Variants in CRLF3 observed in about 807,000 individuals in gnomAD.
CRLF3 encodes the protein cytokine receptor-like factor 3.
A neutral mutation model predicts 55.0 loss-of-function variants in CRLF3; 33 were observed. That is an observed-to-expected ratio of 0.60 (90% CI 0.46 to 0.80). The LOEUF (loss-of-function observed/expected upper bound fraction) is 0.80, where lower values mean the gene tolerates loss of function less well. CRLF3 is among the 30% of genes least tolerant of loss of function. CRLF3 has a pLI of 0.00. For missense variants in CRLF3, 494 were observed against 538.4 expected, an observed-to-expected ratio of 0.92 and a Z score of 0.82; for synonymous variants, 238 against 196.8, an observed-to-expected ratio of 1.21 and a Z score of -1.75.
intron 7 of CRLF3, 135 bp downstream of exon 7, chr17:30,785,784 A>AT: frequency 4.1e-6 from 2 of 492,786 alleles, no homozygotes; most frequent in Non-Finnish European, 7.1e-6. Flanking sequence ...TTCATAATAA[A>AT]AAAAAAAAAA....
intron 6 of CRLF3, among the ~76,000 whole-genome samples, chr17:30,788,197 A>G (rs1597913226): frequency 6.9e-6 from 1 of 144,782 alleles, no homozygotes; most frequent in Admixed American, 6.9e-5. Flanking sequence ...GCGTGGTAGC[A>G]GGCGCCTGTA....
Position 30,784,648 on chromosome 17 carries a change from AAG to A in CRLF3, c.1073-207_1073-206del, listed in dbSNP as rs1971593114. ...GAGTTTCCCATATCAGTGTCATCAA[AAG>A]AAACTTGACAGTGTTACAAAATTAC... is the stretch of plus-strand genomic sequence containing the variant. On this transcript the variant is annotated intron_variant, in intron 7 of 7. Transcript: ENST00000324238. The A allele has an allele frequency of 1.1e-5, 5 of 469,798 alleles. No individual in the cohort carries two copies. The East Asian group carries it at 1.6e-4, about 15-fold the overall frequency. The allele number at this position is 469,798 out of a possible 1,614,324, so 29.1% of individuals were successfully genotyped here.
At chr17:30,804,214 T>A in intron 1 of CRLF3, 106 bp from the exon 2 acceptor site, 1 of 729,938 alleles carries the variant, frequency 1.4e-6, no homozygotes, top group Non-Finnish European at 2.3e-6. Flanking sequence ...TCTTCTTCAA[T>A]TTAGTAAAAA....
At chr17:30,797,818 ATGCTGGAGCAC>A (rs896487931) in intron 2 of CRLF3, among the ~76,000 whole-genome samples, 8 of 144,642 alleles carry the variant, frequency 5.5e-5, no homozygotes, top group African/African-American at 2.1e-4. Flanking sequence ...TCTGTCACTC[ATGCTGGAGCAC>A]AGTGGTAGGA....
At chr17:30,797,190 C>A in intron 3 of CRLF3, 121 bp downstream of exon 3, 1 of 777,152 alleles carries the variant, frequency 1.3e-6, no homozygotes. Context: ...CACGCATGGT[C>A]TGAAAACCTT....
intron 6 of CRLF3, among the ~76,000 whole-genome samples, chr17:30,791,684 A>AT (rs1254766648): frequency 6.8e-6 from 1 of 146,606 alleles, no homozygotes; most frequent in African/African-American, 2.6e-5. Context: ...TGTCCGGCTA[A>AT]TTTTTTTATT....
intron 7 of CRLF3, chr17:30,784,758 A>G (rs1971597374): frequency 5.5e-6 from 1 of 180,758 alleles, no homozygotes; most frequent in Admixed American, 5.9e-5. Flanking sequence ...CACCAACACA[A>G]TTTTTTTTTT....
intron 5 of CRLF3, chr17:30,792,817 T>C (rs1971836847): frequency 8.1e-6 from 2 of 248,190 alleles, no homozygotes; most frequent in Non-Finnish European, 1.4e-5. Flanking sequence ...TCTAATAAAA[T>C]CATTGTACAA....
chr17:30,812,665 G>A (rs772767058), intron 1 of CRLF3, among the ~76,000 whole-genome samples: 15 of 152,102 alleles, frequency 9.9e-5, no homozygotes, highest in Non-Finnish European at 1.9e-4. Context: ...GGCCTTGTGT[G>A]GTCCTCTCCC....
At chr17:30,805,184 A>C (rs867079264) in intron 1 of CRLF3, among the ~76,000 whole-genome samples, 31 of 152,120 alleles carry the variant, frequency 2.0e-4, no homozygotes, top group African/African-American at 7.0e-4. Flanking sequence ...GCCATTTCAA[A>C]AAAGAGAAAT....
chr17:30,816,763 A>G (rs942099223), intron 1 of CRLF3, among the ~76,000 whole-genome samples: 15 of 152,054 alleles, frequency 9.9e-5, no homozygotes, highest in African/African-American at 3.6e-4. Context: ...TGCTGGGACT[A>G]CAAGTGTGAG....
At chr17:30,821,690 CT>C (rs1210562533) in intron 1 of CRLF3, among the ~76,000 whole-genome samples, 1 of 152,142 alleles carries the variant, frequency 6.6e-6, no homozygotes, top group East Asian at 1.9e-4. Context: ...GGGCTACATA[CT>C]GTATGAGTTC....
intron 2 of CRLF3, among the ~76,000 whole-genome samples, chr17:30,797,918 G>C (rs542917997): frequency 6.7e-6 from 1 of 148,916 alleles, no homozygotes; most frequent in East Asian, 2.0e-4. Context: ...GTGACCACAC[G>C]TGCACGCCAC....
chr17:30,812,036 G>T (rs1427441121), intron 1 of CRLF3, among the ~76,000 whole-genome samples: 1 of 151,906 alleles, frequency 6.6e-6, no homozygotes, highest in African/African-American at 2.4e-5. Context: ...CGTGAGCGGG[G>T]GAGGCGGAGC....
intron 2 of CRLF3, among the ~76,000 whole-genome samples, chr17:30,799,036 G>C (rs186372683): frequency 0.012 from 1,869 of 152,216 alleles, 17 homozygotes; most frequent in Admixed American, 0.02. Flanking sequence ...CACTTTGGGA[G>C]GCCGAGGTGG....
At position 30,788,693 on chromosome 17, in the gene CRLF3, C is replaced by T. The variant is rs903406668; in HGVS notation, c.960-2662G>A. On this transcript the variant is annotated intron_variant, in intron 6 of 7. Transcript: ENST00000324238. ...CGTGATCTCGGCTCACTGCAACCTC[C>T]GCCTCCTGGGTTCAAGCGATTCTCC... Among the ~76,000 whole-genome samples, 8 of 149,846 alleles carry T rather than the reference C, an allele frequency of 5.3e-5. No individual in the cohort carries two copies. The East Asian group carries it at 9.9e-4, about 18-fold the overall frequency.
rs1971550315 is a variant in CRLF3, at chr17:30,783,484, GCCGA to G, written c.*699_*702del. ...ATACAAAAATTAGCCAGGTGTGGTG[GCCGA>G]CGCCTGTAATCCCAGCTACTCAGGA... On this transcript the variant is annotated 3_prime_UTR_variant, in exon 8 of 8. Coordinates refer to ENST00000324238, the MANE Select transcript of CRLF3 (RefSeq NM_015986.4). The G allele has an allele frequency of 6.6e-6, 1 of 152,224 alleles. No homozygotes were observed. Among genetic ancestry groups the G allele is most frequent in the African/African-American group, 2.4e-5 (1 of 41,446 alleles). 9.4% of individuals were successfully genotyped at this position (152,224 alleles called of 1,614,324 possible). A position where few individuals can be genotyped will look rare whatever the true frequency, so the allele number is the denominator to read the frequency against.
intron 4 of CRLF3, among the ~76,000 whole-genome samples, chr17:30,795,706 C>T (rs1451190252): frequency 1.3e-5 from 2 of 151,818 alleles, no homozygotes; most frequent in African/African-American, 4.8e-5. Context: ...GTGGCCGAGG[C>T]GAGTGGGTCA....
intron 6 of CRLF3, among the ~76,000 whole-genome samples, chr17:30,788,127 G>C (rs543987603): frequency 6.6e-6 from 1 of 151,822 alleles, no homozygotes; most frequent in African/African-American, 2.4e-5. Context: ...AGGAGATTGA[G>C]ACCATCCTGG....
Sources: allele counts gnomAD v4.1 joint callset (sites outside exome capture counted in the v4.1 genomes callset), GRCh38; gene constraint gnomAD v4.1.1; transcripts MANE v1.5; gene names NCBI Gene and HGNC (gene_info 2026-07-23, HGNC 2026-07-21).